Variants in PIEZO1 observed in about 807,000 individuals in gnomAD.
PIEZO1 encodes piezo type mechanosensitive ion channel component 1 (Er blood group).
In PIEZO1, 296 loss-of-function variants were observed where a neutral mutation model predicts 297.2. The observed-to-expected ratio is 1.00, with a 90% CI of 0.91 to 1.10. PIEZO1 has a LOEUF of 1.10. Among genes scored for constraint, PIEZO1 ranks in the 50% least tolerant of loss-of-function variants. The pLI, the probability that PIEZO1 is intolerant of heterozygous loss-of-function variation, is 0.00. For synonymous variants in PIEZO1, 2,427 were observed against 1,507.5 expected (o/e 1.61, Z -14.13); for missense variants, 5,018 against 3,455.5 (o/e 1.45, Z -11.34).
intron 35 of PIEZO1, 41 bp downstream of exon 35, chr16:88,722,542 C>T: frequency 6.9e-7 from 1 of 1,456,720 alleles, no homozygotes; most frequent in Non-Finnish European, 9.2e-7. Context: ...TGCCCACACA[C>T]CAGGGGCAGC....
At position 88,726,270 on chromosome 16, in the gene PIEZO1, G is replaced by A. The variant is rs1322834120; in HGVS notation, c.3968+14C>T. On this transcript the variant is annotated intron_variant, in intron 27 of 50. Coordinates refer to ENST00000301015, the MANE Select transcript of PIEZO1 (RefSeq NM_001142864.4). ...AAGACGGGAGCTCTGGGCTGTGTCT[G>A]GGCCCAAGCTTGCCTGGAGGCTAGC... The A allele has an allele frequency of 1.3e-6, 2 of 1,542,140 alleles. No individual in the cohort carries two copies. Among genetic ancestry groups the A allele is most frequent in the African/African-American group, 2.7e-5 (2 of 72,966 alleles).
intron 5 of PIEZO1, chr16:88,739,227 C>T (rs765414584): frequency 6.4e-6 from 1 of 156,230 alleles, no homozygotes; most frequent in African/African-American, 2.4e-5. Context: ...AGGGGTGGTA[C>T]TCCTGCCCTC....
intron 1 of PIEZO1, among the ~76,000 whole-genome samples, chr16:88,760,332 A>G (rs1193460440): frequency 6.6e-6 from 1 of 152,248 alleles, no homozygotes; most frequent in African/African-American, 2.4e-5. Context: ...TCATGGACAA[A>G]GAAGAGTTGA....
intron 1 of PIEZO1, among the ~76,000 whole-genome samples, chr16:88,762,136 C>T (rs537636246): frequency 6.6e-6 from 1 of 152,308 alleles, no homozygotes; most frequent in African/African-American, 2.4e-5. Flanking sequence ...GACCCTATGC[C>T]CCCACTGTGC....
chr16:88,749,074 A>AAAC (rs764565967), intron 2 of PIEZO1, among the ~76,000 whole-genome samples: 3 of 151,304 alleles, frequency 2.0e-5, no homozygotes, highest in Non-Finnish European at 4.4e-5. Context: ...CGTCTCTACT[A>AAAC]AAAATACAAA....
At chr16:88,750,936 C>A (rs1279607661) in intron 1 of PIEZO1, among the ~76,000 whole-genome samples, 2 of 151,964 alleles carry the variant, frequency 1.3e-5, no homozygotes, top group East Asian at 3.9e-4. Context: ...TGAGCTCAGA[C>A]CCGTGTCCAA....
chr16:88,731,581 G>C (rs1017176792), intron 22 of PIEZO1, 125 bp downstream of exon 22: 11 of 685,652 alleles, frequency 1.6e-5, no homozygotes, highest in African/African-American at 1.4e-4. Context: ...GCAGAGAGGA[G>C]GGACTGGAGG....
At chr16:88,734,318 C>T in intron 16 of PIEZO1, 38 bp downstream of exon 16, 1 of 1,465,812 alleles carries the variant, frequency 6.8e-7, no homozygotes, top group Non-Finnish European at 9.1e-7. Flanking sequence ...CAGGAGGCTA[C>T]ACCTCTCCAG....
Position 88,732,319 on chromosome 16 carries a change from A to G in PIEZO1, c.2991+16T>C. The G allele has an allele frequency of 3.2e-6, 5 of 1,543,746 alleles. No individual in the cohort carries two copies. Among genetic ancestry groups the G allele is most frequent in the Non-Finnish European group, 4.4e-6 (5 of 1,141,546 alleles). On this transcript the variant is annotated intron_variant, in intron 21 of 50. Transcript: ENST00000301015. Reference sequence around the variant, plus strand: ...GCCAAGCCCTGCCCCAGGGGGAGGCAATGTCCTTGCCTCACCTCCAGCCCG... The same window carrying G: ...GCCAAGCCCTGCCCCAGGGGGAGGCGATGTCCTTGCCTCACCTCCAGCCCG...
chr16:88,765,594 G>T (rs1907138306), intron 1 of PIEZO1, among the ~76,000 whole-genome samples: 1 of 152,118 alleles, frequency 6.6e-6, no homozygotes, highest in Non-Finnish European at 1.5e-5. Flanking sequence ...ACCTCGTATA[G>T]CTGGCAAGGG....
chr16:88,775,257 G>C (rs906881085), intron 1 of PIEZO1, among the ~76,000 whole-genome samples: 10 of 152,364 alleles, frequency 6.6e-5, no homozygotes, highest in African/African-American at 2.4e-4. Context: ...GCCCACACAG[G>C]ACACAGAGGA....
rs1039198162 is a variant in PIEZO1 at position 88,726,472 on chromosome 16, G to A, written c.3797-17C>T. ...TCTCCTTGGCTGCAAGGCAGGCACC[G>A]GCAAGGGTCAGGCCCAGGGCCCAGG... On this transcript the variant is annotated splice_polypyrimidine_tract_variant and intron_variant, in intron 26 of 50. Coordinates refer to ENST00000301015, the MANE Select transcript of PIEZO1 (RefSeq NM_001142864.4). 2.4e-5 allele frequency: 37 copies of A among 1,548,890 alleles called. No homozygotes were observed. Among genetic ancestry groups the A allele is most frequent in the Middle Eastern group, 1.7e-4 (1 of 5,928 alleles).
chr16:88,783,261 C>T (rs1403087920), intron 1 of PIEZO1, among the ~76,000 whole-genome samples: 1 of 152,200 alleles, frequency 6.6e-6, no homozygotes, highest in Non-Finnish European at 1.5e-5. Context: ...CCACATGTGC[C>T]ACAGAATCGG....
intron 1 of PIEZO1, among the ~76,000 whole-genome samples, chr16:88,758,638 G>C (rs1906785358): frequency 6.6e-6 from 1 of 152,250 alleles, no homozygotes; most frequent in Admixed American, 6.5e-5. Flanking sequence ...CCAAGCGGCA[G>C]GGGGTGCGGC....
intron 1 of PIEZO1, among the ~76,000 whole-genome samples, chr16:88,765,755 C>A (rs1597482992): frequency 6.6e-6 from 1 of 151,220 alleles, no homozygotes; most frequent in East Asian, 2.0e-4. Context: ...CGCACTACAA[C>A]CTCTACCTCC....
At chr16:88,772,165 C>T (rs1363656077) in intron 1 of PIEZO1, among the ~76,000 whole-genome samples, 1 of 152,232 alleles carries the variant, frequency 6.6e-6, no homozygotes, top group African/African-American at 2.4e-5. Context: ...AGACTCTGGG[C>T]ATGGCTGTCA....
intron 10 of PIEZO1, chr16:88,737,261 C>T (rs1905281851): frequency 2.7e-6 from 1 of 369,156 alleles, no homozygotes; most frequent in African/African-American, 2.2e-5. Context: ...AGCATAGCCA[C>T]ATTCTCTGGG....
At chr16:88,736,814 T>A in intron 10 of PIEZO1, 75 bp from the exon 11 acceptor site, 1 of 922,314 alleles carries the variant, frequency 1.1e-6, no homozygotes, top group Non-Finnish European at 1.6e-6. Flanking sequence ...CCCTAAAATC[T>A]GGGCCCTGGG....
intron 2 of PIEZO1, among the ~76,000 whole-genome samples, chr16:88,749,117 G>A (rs531221335): frequency 7.3e-4 from 111 of 151,476 alleles, no homozygotes; most frequent in African/African-American, 1.5e-3. Flanking sequence ...GCGGGCGCCT[G>A]TAGTCCCAGC....
Sources: allele counts gnomAD v4.1 joint callset (sites outside exome capture counted in the v4.1 genomes callset), GRCh38; gene constraint gnomAD v4.1.1; transcripts MANE v1.5; gene names NCBI Gene and HGNC (gene_info 2026-07-23, HGNC 2026-07-21).